The following RERE variants were observed in gnomAD, a reference collection of about 807,000 sequenced individuals.
RERE encodes arginine-glutamic acid dipeptide repeats.
In RERE, 40 loss-of-function variants were observed where a neutral mutation model predicts 146.1. That is an observed-to-expected ratio of 0.27 (90% CI 0.21 to 0.36). The LOEUF (loss-of-function observed/expected upper bound fraction) is 0.36. Ranked by LOEUF, RERE falls within the 10% of genes least tolerant of loss-of-function variation. The pLI, the probability that RERE is intolerant of heterozygous loss-of-function variation, is 1.00. For synonymous variants in RERE, 1,003 were observed against 866.0 expected, an observed-to-expected ratio of 1.16 and a Z score of -2.78; for missense variants, 1,933 against 2,138.7, an observed-to-expected ratio of 0.90 and a Z score of 1.90.
rs749344552 is a variant in RERE at position 8,360,256 on chromosome 1, G to A, written c.3251C>T (p.Ser1084Leu). The change falls in exon 18 of 23, where the codon TCG (serine) becomes TTG (leucine). Residue 1084 changes from serine to leucine, a missense_variant. By Grantham distance (145) the Ser-to-Leu change is moderately radical. This residue lies in a region of RERE where 1,255 missense variants were observed against 1,153.8 expected (regional missense o/e 1.09). Transcript: ENST00000400908. ...CTGGACGGTGGGGAGTGGGCAGGAC[G>A]ACCCCCCCGCTATGCTGCCTCCTGA... ...AASGGSIAGGSSCPLPTVQIK... is the reference protein window; with the variant it reads ...AASGGSIAGGLSCPLPTVQIK... The A allele has an allele frequency of 6.6e-5, 104 of 1,575,858 alleles. No individual in the cohort carries two copies. Among genetic ancestry groups the A allele is most frequent in the East Asian group, 5.1e-4 (22 of 43,062 alleles).
At chr1:8,729,128 C>T (rs544983165) in intron 1 of RERE, among the ~76,000 whole-genome samples, 95 of 151,548 alleles carry the variant, frequency 6.3e-4, no homozygotes, top group Non-Finnish European at 1.1e-3. Flanking sequence ...CGTGCCACAC[C>T]ATTGCACTCC....
intron 10 of RERE, among the ~76,000 whole-genome samples, chr1:8,494,448 C>T (rs1400416125): frequency 2.0e-5 from 3 of 152,012 alleles, no homozygotes; most frequent in Non-Finnish European, 4.4e-5. Flanking sequence ...ACCTAGAGGC[C>T]GGGCGTGGTG....
At chr1:8,535,223 G>C (rs531205636) in intron 7 of RERE, among the ~76,000 whole-genome samples, 1 of 152,360 alleles carries the variant, frequency 6.6e-6, no homozygotes, top group Non-Finnish European at 1.5e-5. Flanking sequence ...CCAAGGTCAT[G>C]AAGCCAAGAA....
At chr1:8,521,310 A>G (rs1645497703) in intron 7 of RERE, among the ~76,000 whole-genome samples, 1 of 152,158 alleles carries the variant, frequency 6.6e-6, no homozygotes, top group Non-Finnish European at 1.5e-5. Context: ...TCCTAAAACA[A>G]TCCCTAGCAT....
At chr1:8,667,585 G>A (rs1266745104) in intron 1 of RERE, among the ~76,000 whole-genome samples, 2 of 152,182 alleles carry the variant, frequency 1.3e-5, no homozygotes, top group East Asian at 3.9e-4. Context: ...GCTGAGGCAG[G>A]AGAATTGCTT....
intron 1 of RERE, among the ~76,000 whole-genome samples, chr1:8,794,295 T>A (rs945735140): frequency 6.8e-6 from 1 of 146,960 alleles, no homozygotes; most frequent in African/African-American, 2.5e-5. Context: ...ATGGCAGAGC[T>A]TGTAGTGAGC....
intron 2 of RERE, among the ~76,000 whole-genome samples, chr1:8,626,312 G>A (rs1325621191): frequency 1.3e-5 from 2 of 152,132 alleles, no homozygotes; most frequent in African/African-American, 4.8e-5. Flanking sequence ...CAGATCTCTA[G>A]TTATCAATTA....
chr1:8,647,679 C>A (rs867536012), intron 2 of RERE, among the ~76,000 whole-genome samples: 1 of 93,684 alleles, frequency 1.1e-5, no homozygotes, highest in African/African-American at 3.8e-5. Flanking sequence ...GTGTGTGTGT[C>A]CCCTGGAACA....
chr1:8,441,026 T>C (rs539033903), intron 11 of RERE, among the ~76,000 whole-genome samples: 1 of 146,348 alleles, frequency 6.8e-6, no homozygotes, highest in African/African-American at 2.5e-5. Flanking sequence ...GGGGGGGCTG[T>C]TTTGCTTTAT....
intron 4 of RERE, among the ~76,000 whole-genome samples, chr1:8,568,170 T>C (rs1015051144): frequency 6.6e-6 from 1 of 152,148 alleles, no homozygotes; most frequent in African/African-American, 2.4e-5. Context: ...TTGCTCTCTC[T>C]CCAAGAGCTA....
At chr1:8,699,566 C>T (rs369130125) in intron 1 of RERE, among the ~76,000 whole-genome samples, 2 of 152,210 alleles carry the variant, frequency 1.3e-5, no homozygotes, top group Admixed American at 6.5e-5. Flanking sequence ...GGATAACAAC[C>T]TGGAAAAAGA....
At chr1:8,559,016 G>T (rs1646040095) in intron 4 of RERE, among the ~76,000 whole-genome samples, 1 of 150,798 alleles carries the variant, frequency 6.6e-6, no homozygotes, top group Non-Finnish European at 1.5e-5. Context: ...GACTGGTCAG[G>T]AACTCCTGAC....
chr1:8,392,716 A>C (rs1642924980), intron 12 of RERE, among the ~76,000 whole-genome samples: 1 of 152,182 alleles, frequency 6.6e-6, no homozygotes, highest in Non-Finnish European at 1.5e-5. Flanking sequence ...TTACGCCAGC[A>C]CACCAGAGCA....
At chr1:8,801,881 T>C (rs1274144564) in intron 1 of RERE, among the ~76,000 whole-genome samples, 1 of 152,224 alleles carries the variant, frequency 6.6e-6, no homozygotes, top group African/African-American at 2.4e-5. Context: ...TGTCCATCAA[T>C]GGGAAAAGTG....
At chr1:8,625,095 C>T (rs1646958727) in intron 2 of RERE, among the ~76,000 whole-genome samples, 1 of 152,136 alleles carries the variant, frequency 6.6e-6, no homozygotes, top group Non-Finnish European at 1.5e-5. Context: ...ATTTTTGATG[C>T]TCTCAATGAC....
At chr1:8,477,202 A>G (rs1233602184) in intron 10 of RERE, among the ~76,000 whole-genome samples, 2 of 152,202 alleles carry the variant, frequency 1.3e-5, no homozygotes, top group African/African-American at 4.8e-5. Flanking sequence ...CAGCCACAGA[A>G]TAGTAGAAAG....
intron 11 of RERE, among the ~76,000 whole-genome samples, chr1:8,446,334 G>A (rs151124740): frequency 2.0e-5 from 3 of 151,398 alleles, no homozygotes; most frequent in East Asian, 3.9e-4. Flanking sequence ...TGAAGATTAC[G>A]TGTCTTGGGG....
At chr1:8,564,814 A>ATGTGTGTGTG (rs1375952179) in intron 4 of RERE, among the ~76,000 whole-genome samples, 3 of 100,166 alleles carry the variant, frequency 3.0e-5, no homozygotes, top group East Asian at 3.6e-4. Flanking sequence ...GTGTGTATGT[A>ATGTGTGTGTG]TGTGTGTGTA....
rs1436530030 is a variant in RERE, at chr1:8,570,121, G to A, written c.523-12598C>T. Among the ~76,000 whole-genome samples, 6 of 152,062 alleles carry A rather than the reference G, an allele frequency of 3.9e-5. No individual in the cohort carries two copies. In the South Asian group the frequency reaches 8.3e-4, roughly 21 times the overall value. ...TGGGAGACTGAGGCGGGCGGATCAC[G>A]AGGTCAAGAGATCGAGACCATCCTG... On this transcript the variant is annotated intron_variant, in intron 4 of 22. Transcript: ENST00000400908.
Sources: gnomAD v4.1 joint callset for allele counts (sites outside exome capture counted in the v4.1 genomes callset) on GRCh38, gnomAD v4.1.1 for gene constraint, gnomAD v4.1.1 regional missense constraint, MANE v1.5 for transcripts, NCBI Gene and HGNC (gene_info 2026-07-23, HGNC 2026-07-21) for gene names.